The following GRIN2A variants were observed in gnomAD, a reference collection of about 807,000 sequenced individuals.
GRIN2A encodes glutamate ionotropic receptor NMDA type subunit 2A.
In GRIN2A, 22 loss-of-function variants were observed where a neutral mutation model predicts 113.4. The observed-to-expected ratio is 0.19, with a 90% CI of 0.14 to 0.28. The LOEUF (loss-of-function observed/expected upper bound fraction) is 0.28, where lower values mean the gene tolerates loss of function less well. Among genes scored for constraint, GRIN2A ranks in the 10% least tolerant of loss-of-function variants. The pLI is 1.00. For synonymous variants in GRIN2A, 827 were observed against 738.4 expected, an observed-to-expected ratio of 1.12 and a Z score of -1.94; for missense variants, 1,502 against 1,887.0, an observed-to-expected ratio of 0.80 and a Z score of 3.78.
At chr16:10,119,586 AT>A (rs2048794175) in intron 2 of GRIN2A, among the ~76,000 whole-genome samples, 1 of 152,126 alleles carries the variant, frequency 6.6e-6, no homozygotes, top group South Asian at 2.1e-4. Context: ...TTTAACTTTC[AT>A]TTTAGGTTCA....
At chr16:10,144,727 C>G (rs1180712951) in intron 2 of GRIN2A, among the ~76,000 whole-genome samples, 1 of 151,812 alleles carries the variant, frequency 6.6e-6, no homozygotes, top group East Asian at 1.9e-4. Flanking sequence ...ATGAATGGAG[C>G]CTGGCCAACA....
chr16:9,766,277 C>A (rs534730172), intron 12 of GRIN2A, among the ~76,000 whole-genome samples: 2 of 152,306 alleles, frequency 1.3e-5, no homozygotes, highest in East Asian at 3.9e-4. Context: ...AATGGTGGCT[C>A]CATCGGTCCC....
chr16:10,182,041 C>G lies in GRIN2A; in HGVS notation c.-183G>C, dbSNP rs899249829. The G allele has an allele frequency of 1.3e-5, 2 of 152,624 alleles. No homozygotes were observed. Among genetic ancestry groups the G allele is most frequent in the African/African-American group, 2.4e-5 (1 of 41,452 alleles). 9.5% of individuals were successfully genotyped at this position (152,624 alleles called of 1,614,324 possible). ...CATCGCCCCCACGGGGGGCGGCTAT[C>G]CCAGCCGGAGGCTCTGCAGCAGGGC... is the stretch of plus-strand genomic sequence containing the variant. On this transcript the variant is annotated 5_prime_UTR_variant, in exon 1 of 13. Coordinates refer to ENST00000330684, the MANE Select transcript of GRIN2A (RefSeq NM_001134407.3).
intron 5 of GRIN2A, among the ~76,000 whole-genome samples, chr16:9,845,458 C>T (rs2042755520): frequency 6.6e-6 from 1 of 152,088 alleles, no homozygotes; most frequent in Admixed American, 6.6e-5. Context: ...GGGAGGTGTC[C>T]CACTGAAGTT....
chr16:10,018,277 G>C (rs559640410), intron 2 of GRIN2A, among the ~76,000 whole-genome samples: 6 of 152,320 alleles, frequency 3.9e-5, no homozygotes, highest in African/African-American at 1.4e-4. Flanking sequence ...AGATGAAACA[G>C]TGGTGGGTGT....
intron 2 of GRIN2A, among the ~76,000 whole-genome samples, chr16:10,102,070 C>T (rs1298751608): frequency 6.6e-6 from 1 of 152,220 alleles, no homozygotes. Context: ...CTAATCATCA[C>T]ACGAACTCCT....
chr16:9,909,203 G>T (rs1241694246), intron 3 of GRIN2A, among the ~76,000 whole-genome samples: 1 of 152,124 alleles, frequency 6.6e-6, no homozygotes. Context: ...AAAACCATCA[G>T]ATCTCATGAG....
chr16:9,753,453 A>C lies in GRIN2A; in HGVS notation c.*9696T>G, dbSNP rs1162617605. Reference sequence around the variant, plus strand: ...AGAAATTATCTTTATTAGAAAAATGAAATTTTCCTGTATTTACATTTTTAC... The same window carrying C: ...AGAAATTATCTTTATTAGAAAAATGCAATTTTCCTGTATTTACATTTTTAC... On this transcript the variant is annotated 3_prime_UTR_variant, in exon 13 of 13. Transcript: ENST00000330684. 1 of 197,754 alleles carries C rather than the reference A, an allele frequency of 5.1e-6. No homozygotes were observed. Among genetic ancestry groups the C allele is most frequent in the Non-Finnish European group, 1.0e-5 (1 of 95,482 alleles). 12.2% of individuals were successfully genotyped at this position (197,754 alleles called of 1,614,324 possible). A position where few individuals can be genotyped will look rare whatever the true frequency, so the allele number is the denominator to read the frequency against.
intron 2 of GRIN2A, among the ~76,000 whole-genome samples, chr16:10,015,252 C>CAAAAAAAAAAAAAAAAAAAAA (rs200124835): frequency 6.7e-4 from 13 of 19,290 alleles, no homozygotes; most frequent in African/African-American, 1.8e-3. Flanking sequence ...GACTTCATCT[C>CAAAAAAAAAAAAAAAAAAAAA]AAAAAAAAAA....
intron 10 of GRIN2A, among the ~76,000 whole-genome samples, chr16:9,810,212 C>CTGTG (rs1396592718): frequency 6.6e-6 from 1 of 152,178 alleles, no homozygotes; most frequent in Non-Finnish European, 1.5e-5. Context: ...CTTTGCATAC[C>CTGTG]TGTGTGCTGT....
intron 2 of GRIN2A, among the ~76,000 whole-genome samples, chr16:10,009,233 T>C (rs943108028): frequency 6.6e-6 from 1 of 152,090 alleles, no homozygotes; most frequent in African/African-American, 2.4e-5. Flanking sequence ...GAAGAAAAAA[T>C]ACTTGCTAGA....
At position 9,754,540 on chromosome 16, in the gene GRIN2A, G is replaced by A. The variant is rs760313721; in HGVS notation, c.*8609C>T. On this transcript the variant is annotated 3_prime_UTR_variant, in exon 13 of 13. Coordinates refer to ENST00000330684, the MANE Select transcript of GRIN2A (RefSeq NM_001134407.3). Reference sequence around the variant, plus strand: ...ATTTCAAACAAGATCACCTGGATTTGGCTCAAATTAGAGGCCTGAATCTTT... The same window carrying A: ...ATTTCAAACAAGATCACCTGGATTTAGCTCAAATTAGAGGCCTGAATCTTT... 31 of 212,458 alleles carry A rather than the reference G, an allele frequency of 1.5e-4. No individual in the cohort carries two copies. The highest frequency in any genetic ancestry group is 2.4e-4 in the Non-Finnish European group (25 of 105,158). The allele number at this position is 212,458 out of a possible 1,614,324, so 13.2% of individuals were successfully genotyped here.
At chr16:10,151,687 C>G (rs529785820) in intron 2 of GRIN2A, among the ~76,000 whole-genome samples, 1 of 152,136 alleles carries the variant, frequency 6.6e-6, no homozygotes, top group Non-Finnish European at 1.5e-5. Context: ...ATTACTATAA[C>G]AACCACTACC....
intron 2 of GRIN2A, among the ~76,000 whole-genome samples, chr16:9,969,285 T>C (rs1206901291): frequency 1.3e-5 from 2 of 152,188 alleles, no homozygotes; most frequent in Non-Finnish European, 1.5e-5. Flanking sequence ...CTCTCCTCCA[T>C]TGCTGCCTGA....
At chr16:9,988,288 T>C (rs942268470) in intron 2 of GRIN2A, among the ~76,000 whole-genome samples, 1 of 120,556 alleles carries the variant, frequency 8.3e-6, no homozygotes, top group Non-Finnish European at 1.9e-5. Context: ...TGTGTGCGTG[T>C]GTGTGTGTGT....
chr16:9,903,467 AG>A (rs946730289), intron 3 of GRIN2A, among the ~76,000 whole-genome samples: 3 of 152,208 alleles, frequency 2.0e-5, no homozygotes, highest in African/African-American at 7.2e-5. Flanking sequence ...TGATTCAAAA[AG>A]GGATACCTTA....
At chr16:10,127,677 T>G (rs552526890) in intron 2 of GRIN2A, among the ~76,000 whole-genome samples, 12 of 152,320 alleles carry the variant, frequency 7.9e-5, no homozygotes, top group African/African-American at 2.4e-4. Context: ...GCCTGGCACC[T>G]AGCTCACAAT....
intron 2 of GRIN2A, among the ~76,000 whole-genome samples, chr16:10,137,713 G>A (rs2049229006): frequency 6.6e-6 from 1 of 152,160 alleles, no homozygotes; most frequent in South Asian, 2.1e-4. Flanking sequence ...AGACACTATA[G>A]TTTCCTCCTC....
At chr16:9,799,978 A>G (rs1021217887) in intron 10 of GRIN2A, among the ~76,000 whole-genome samples, 1 of 151,472 alleles carries the variant, frequency 6.6e-6, no homozygotes, top group African/African-American at 2.4e-5. Context: ...TATTATTATT[A>G]TTATTATTAT....
Sources: gnomAD v4.1 joint callset for allele counts (sites outside exome capture counted in the v4.1 genomes callset) on GRCh38, gnomAD v4.1.1 for gene constraint, MANE v1.5 for transcripts, NCBI Gene and HGNC (gene_info 2026-07-23, HGNC 2026-07-21) for gene names.